Variants in ANXA4 observed in about 807,000 individuals in gnomAD.
ANXA4 encodes the protein annexin A4.
In ANXA4, 39 loss-of-function variants were observed where a neutral mutation model predicts 49.8. That is an observed-to-expected ratio of 0.78 (90% CI 0.61 to 1.02). The LOEUF (loss-of-function observed/expected upper bound fraction) is 1.02, where lower values mean the gene tolerates loss of function less well. Among genes scored for constraint, ANXA4 ranks in the 50% least tolerant of loss-of-function variants. The probability of loss-of-function intolerance (pLI) is 0.00; values close to 1 mark genes in which losing one functional copy is unlikely to be tolerated. For synonymous variants in ANXA4, 134 were observed against 152.5 expected, an observed-to-expected ratio of 0.88 and a Z score of 0.89; for missense variants, 360 against 410.1, an observed-to-expected ratio of 0.88 and a Z score of 1.05.
chr2:69,687,573 A>C (rs919241738), intron 2 of ANXA4, among the ~76,000 whole-genome samples: 1 of 152,164 alleles, frequency 6.6e-6, no homozygotes, highest in Non-Finnish European at 1.5e-5. Context: ...AGGCAAAGCT[A>C]TCTAAAGAGG....
chr2:69,718,861 CAT>C (rs547431934), intron 2 of ANXA4, among the ~76,000 whole-genome samples: 407 of 152,292 alleles, frequency 2.7e-3, no homozygotes, highest in African/African-American at 9.2e-3. Flanking sequence ...CATGCATACA[CAT>C]GTGTGCATAC....
intron 7 of ANXA4, 180 bp downstream of exon 7, chr2:69,810,853 A>AT (rs1450236148): frequency 3.4e-6 from 2 of 584,536 alleles, no homozygotes; most frequent in Non-Finnish European, 6.1e-6. Context: ...CTGCCTGCCC[A>AT]TTTTTTCTAC....
Position 69,748,236 on chromosome 2 carries a change from G to A in ANXA4, c.-47+6061G>A, listed in dbSNP as rs147395090. Among the ~76,000 whole-genome samples the A allele has an allele frequency of 2.4e-3, 363 of 151,968 alleles. 1 individual carries two copies. The highest frequency in any genetic ancestry group is 4.0e-3 in the Non-Finnish European group (272 of 67,984). ...TAAAAAAATACAAAAAAAATTAGCC[G>A]GGAATGGTGGCGGGTGCCCGTAGGC... On this transcript the variant is annotated intron_variant, in intron 1 of 12. Coordinates refer to ENST00000394295, the MANE Select transcript of ANXA4 (RefSeq NM_001153.5).
chr2:69,733,081 C>T (rs1291565585), intron 3 of ANXA4, among the ~76,000 whole-genome samples: 1 of 152,088 alleles, frequency 6.6e-6, no homozygotes, highest in Non-Finnish European at 1.5e-5. Context: ...AAAAAATAGC[C>T]TTTAATAGTA....
At chr2:69,783,922 C>T (rs1038473804) in intron 2 of ANXA4, among the ~76,000 whole-genome samples, 4 of 152,164 alleles carry the variant, frequency 2.6e-5, no homozygotes, top group Non-Finnish European at 5.9e-5. Context: ...GCAATTCATC[C>T]GTATTGTTGC....
intron 3 of ANXA4, among the ~76,000 whole-genome samples, chr2:69,727,007 C>T (rs542264635): frequency 1.2e-4 from 18 of 152,182 alleles, no homozygotes; most frequent in African/African-American, 4.3e-4. Context: ...CTCAGCCTCC[C>T]GAGTAGCTGG....
chr2:69,782,815 C>T (rs752297058), intron 2 of ANXA4, among the ~76,000 whole-genome samples: 27 of 152,204 alleles, frequency 1.8e-4, no homozygotes, highest in Non-Finnish European at 2.5e-4. Context: ...GTGTGCTTTC[C>T]ACTCGGAGAA....
intron 2 of ANXA4, among the ~76,000 whole-genome samples, chr2:69,697,880 C>A (rs1678207512): frequency 6.7e-6 from 1 of 149,816 alleles, no homozygotes; most frequent in Admixed American, 6.7e-5. Context: ...CAAAGTGGTT[C>A]ATTCCTATAA....
At chr2:69,809,623 A>G (rs1415788381) in intron 6 of ANXA4, 1 of 151,990 alleles carries the variant, frequency 6.6e-6, no homozygotes, top group Non-Finnish European at 1.5e-5. Flanking sequence ...TACTACAAGC[A>G]TGCGCCAACA....
At chr2:69,688,367 A>G (rs1266763154) in intron 2 of ANXA4, among the ~76,000 whole-genome samples, 1 of 152,160 alleles carries the variant, frequency 6.6e-6, no homozygotes, top group Non-Finnish European at 1.5e-5. Context: ...TTTTATAGGG[A>G]TTGCTTTTCA....
At chr2:69,801,820 T>C (rs556495562) in intron 3 of ANXA4, among the ~76,000 whole-genome samples, 2 of 151,874 alleles carry the variant, frequency 1.3e-5, no homozygotes, top group African/African-American at 4.8e-5. Context: ...CAGAAGGAGG[T>C]TTTAGGGGTG....
intron 2 of ANXA4, among the ~76,000 whole-genome samples, chr2:69,661,885 G>A (rs1441061616): frequency 6.6e-6 from 1 of 152,188 alleles, no homozygotes; most frequent in South Asian, 2.1e-4. Context: ...CCTCTTCCAC[G>A]AGGGTGGATG....
chr2:69,653,389 C>G (rs1048080353), intron 2 of ANXA4: 1 of 152,182 alleles, frequency 6.6e-6, no homozygotes, highest in Non-Finnish European at 1.5e-5. Context: ...GAAAATTATG[C>G]TAGGACAAAA....
At chr2:69,727,331 CTG>C (rs1669987637) in intron 3 of ANXA4, among the ~76,000 whole-genome samples, 1 of 152,214 alleles carries the variant, frequency 6.6e-6, no homozygotes, top group South Asian at 2.1e-4. Context: ...TGCTGCCAAA[CTG>C]TTTCTCAGTG....
intron 1 of ANXA4, among the ~76,000 whole-genome samples, chr2:69,753,330 G>C (rs1670926408): frequency 6.6e-6 from 1 of 152,184 alleles, no homozygotes; most frequent in African/African-American, 2.4e-5. Context: ...CTTATGAGGA[G>C]AATGCCAGGG....
chr2:69,718,670 C>T (rs532667677), intron 2 of ANXA4, among the ~76,000 whole-genome samples: 1 of 152,258 alleles, frequency 6.6e-6, no homozygotes, highest in African/African-American at 2.4e-5. Flanking sequence ...CATACACAAA[C>T]ATGTACACAC....
intron 2 of ANXA4, among the ~76,000 whole-genome samples, chr2:69,687,284 G>A (rs1254841382): frequency 2.6e-5 from 4 of 152,068 alleles, no homozygotes; most frequent in African/African-American, 9.7e-5. Context: ...TGGGCAGATC[G>A]CTTGAGCTCA....
chr2:69,693,122 G>T (rs551033304), intron 2 of ANXA4, among the ~76,000 whole-genome samples: 5 of 152,276 alleles, frequency 3.3e-5, no homozygotes, highest in Non-Finnish European at 7.4e-5. Context: ...TCCAAGAAGA[G>T]CATCTAATAT....
intron 1 of ANXA4, among the ~76,000 whole-genome samples, chr2:69,649,588 T>G (rs963638494): frequency 2.0e-5 from 3 of 149,652 alleles, no homozygotes; most frequent in African/African-American, 4.9e-5. Context: ...CTTGTGTGCT[T>G]CTTTGATTTT....
Sources: gnomAD v4.1 joint callset for allele counts (sites outside exome capture counted in the v4.1 genomes callset) on GRCh38, gnomAD v4.1.1 for gene constraint, MANE v1.5 for transcripts, NCBI Gene and HGNC (gene_info 2026-07-23, HGNC 2026-07-21) for gene names.